The following HECTD4 variants were observed in gnomAD, a reference collection of about 807,000 sequenced individuals.
HECTD4 encodes the protein probable E3 ubiquitin-protein ligase HECTD4.
A neutral mutation model predicts 471.5 loss-of-function variants in HECTD4; 114 were observed. That is an observed-to-expected ratio of 0.24 (90% confidence interval 0.21 to 0.28). HECTD4 has a LOEUF of 0.28. Ranked by LOEUF, HECTD4 falls within the 10% of genes least tolerant of loss-of-function variation. The probability of loss-of-function intolerance (pLI) is 1.00; values close to 1 mark genes in which losing one functional copy is unlikely to be tolerated. For missense variants in HECTD4, 3,866 were observed against 5,651.5 expected (o/e 0.68, Z 10.13); for synonymous variants, 2,012 against 2,256.0 (o/e 0.89, Z 3.07).
rs535285061 is a variant in HECTD4 at position 112,232,946 on chromosome 12, A to G, written c.5997+58T>C. 4.1e-4 allele frequency: 568 copies of G among 1,402,196 alleles called. 6 individuals carry two copies. The South Asian group carries it at 6.7e-3, about 17-fold the overall frequency. 86.9% of individuals were successfully genotyped at this position (1,402,196 alleles called of 1,614,324 possible). A position where few individuals can be genotyped will look rare whatever the true frequency, so the allele number is the denominator to read the frequency against. ...TTTTCTTAATTTGTTCTGAAAATCT[A>G]AAGCATGACAAATACTCTACAATTT... On this transcript the variant is annotated intron_variant, in intron 38 of 75. Coordinates refer to ENST00000682272, the MANE Select transcript of HECTD4 (RefSeq NM_001388303.1).
intron 1 of HECTD4, among the ~76,000 whole-genome samples, chr12:112,362,333 A>T (rs1348406183): frequency 6.6e-6 from 1 of 152,170 alleles, no homozygotes; most frequent in Admixed American, 6.5e-5. Context: ...GTTTCTAAGT[A>T]CTTCATACTT....
rs2036903481 is a variant in HECTD4, at chr12:112,381,933, CG to C, written c.177+18del. The C allele has an allele frequency of 2.0e-5, 24 of 1,221,416 alleles. No individual in the cohort carries two copies. The South Asian group carries it at 4.1e-4, about 21-fold the overall frequency. 75.7% of individuals were successfully genotyped at this position (1,221,416 alleles called of 1,614,324 possible). A position where few individuals can be genotyped will look rare whatever the true frequency, so the allele number is the denominator to read the frequency against. ...AGTGGGTCAGTCCGATGGCGGGGGC[CG>C]GGGGCCGCCTCGCTCACCTCCAGGT... On this transcript the variant is annotated intron_variant, in intron 1 of 75. Coordinates refer to ENST00000682272, the MANE Select transcript of HECTD4 (RefSeq NM_001388303.1). The surrounding 1 kb of genome is among the most constrained non-coding windows in gnomAD (Gnocchi z 4.1).
At chr12:112,192,923 A>G in intron 58 of HECTD4, 138 bp downstream of exon 58, 10 of 1,261,704 alleles carry the variant, frequency 7.9e-6, no homozygotes, top group Non-Finnish European at 1.1e-5. Context: ...AATTCCCCAA[A>G]CATAGAAATA....
At chr12:112,268,273 G>A (rs1017901718) in intron 13 of HECTD4, among the ~76,000 whole-genome samples, 3 of 152,124 alleles carry the variant, frequency 2.0e-5, no homozygotes, top group African/African-American at 7.2e-5. Context: ...AGTTTCCTCA[G>A]AGCATCAGAT....
chr12:112,179,089 A>G lies in HECTD4; in HGVS notation c.11212-7T>C. The G allele has an allele frequency of 6.2e-7, 1 of 1,613,930 alleles. No individual in the cohort carries two copies. The highest frequency in any genetic ancestry group is 8.5e-7 in the Non-Finnish European group (1 of 1,179,872). ...CGCCATACTTCCTCAGGATCTGTGG[A>G]GCACAGAGGCAGCGGGGAGGCTCTC... is the stretch of plus-strand genomic sequence containing the variant. On this transcript the variant is annotated splice_polypyrimidine_tract_variant and splice_region_variant and intron_variant, in intron 63 of 75. Coordinates refer to ENST00000682272, the MANE Select transcript of HECTD4 (RefSeq NM_001388303.1). The surrounding 1 kb of genome is among the most constrained non-coding windows in gnomAD (Gnocchi z 4.3).
chr12:112,235,654 G>A lies in HECTD4; in HGVS notation c.5575C>T (p.Leu1859=), dbSNP rs778821020. ...TTTCCACAGTCTTCTACGCTCATCA[G>A]GGGCAGCGCCGCCCGGCACAGCTGG... The part of the protein sequence containing the change: ...ILQLCRAALP[L]MSVEDCGNVE... The change falls in exon 36 of 76, where the codon CTG becomes TTG. Residue 1859 remains leucine, a synonymous_variant. Transcript: ENST00000682272. This position sits in a 1 kb window ranked among gnomAD's most constrained non-coding sequence, Gnocchi z 5.0. 6.2e-7 allele frequency: 1 copy of A among 1,614,024 alleles called. No individual in the cohort carries two copies. Among genetic ancestry groups the A allele is most frequent in the Middle Eastern group, 1.6e-4 (1 of 6,062 alleles).
At chr12:112,269,407 C>T (rs767932142) in intron 13 of HECTD4, among the ~76,000 whole-genome samples, 1 of 152,152 alleles carries the variant, frequency 6.6e-6, no homozygotes, top group African/African-American at 2.4e-5. Flanking sequence ...CCACACTCTG[C>T]AAAATGAGAT....
At chr12:112,196,767 A>G (rs1233153198) in intron 55 of HECTD4, among the ~76,000 whole-genome samples, 1 of 151,474 alleles carries the variant, frequency 6.6e-6, no homozygotes, top group Non-Finnish European at 1.5e-5. Context: ...ATTTTTTCTT[A>G]TTTTTGTAGA....
rs1480402545 is a variant in HECTD4, at chr12:112,193,457, T to G, written c.8955+12A>C. 1 of 1,599,604 alleles carries G rather than the reference T, an allele frequency of 6.3e-7. No homozygotes were observed. The highest frequency in any genetic ancestry group is 8.5e-7 in the Non-Finnish European group (1 of 1,172,640). Reference sequence around the variant, plus strand: ...TAACCACACTGCAGGAACATGAGCTTTAGACTTCTACCTGCAGGAAAGAGC... The same window carrying G: ...TAACCACACTGCAGGAACATGAGCTGTAGACTTCTACCTGCAGGAAAGAGC... On this transcript the variant is annotated intron_variant, in intron 57 of 75. Coordinates refer to ENST00000682272, the MANE Select transcript of HECTD4 (RefSeq NM_001388303.1). The surrounding 1 kb of genome is among the most constrained non-coding windows in gnomAD (Gnocchi z 5.2).
intron 65 of HECTD4, 44 bp downstream of exon 65, chr12:112,176,551 TG>T: frequency 7.3e-7 from 1 of 1,361,170 alleles, no homozygotes; most frequent in Admixed American, 1.7e-5. Context: ...GTCTCCAGGA[TG>T]GAAGTAGGTC....
Position 112,323,953 on chromosome 12 carries a change from TCTTTCTTTCTTTCTTCCTTCCTTC to T in HECTD4, c.178-4235_178-4212del, listed in dbSNP as rs1298187772. 1.6e-3 allele frequency among the ~76,000 whole-genome samples: 62 copies of T among 39,424 alleles called. 3 individuals are homozygous for T. Among genetic ancestry groups the T allele is most frequent in the South Asian group, 5.9e-3 (4 of 678 alleles). The allele number at this position is 39,424 out of a possible 152,430, so 25.9% of individuals were successfully genotyped here. Reference sequence around the variant, plus strand: ...GGTATTTTTTACTGAGGTGCTTCTTTCTTTCTTTCTTTCTTCCTTCCTTCCTTCCTTCCTTCCTTCCTTCCTTCC... The same window carrying T: ...GGTATTTTTTACTGAGGTGCTTCTTTCTTCCTTCCTTCCTTCCTTCCTTCC... On this transcript the variant is annotated intron_variant, in intron 1 of 75. Coordinates refer to ENST00000682272, the MANE Select transcript of HECTD4 (RefSeq NM_001388303.1).
rs1461588647 is a variant in HECTD4, at chr12:112,173,552, G to A, written c.11595-691C>T. Among the ~76,000 whole-genome samples the A allele has an allele frequency of 1.3e-5, 2 of 151,672 alleles. No homozygotes were observed. The highest frequency in any genetic ancestry group is 4.8e-5 in the African/African-American group (2 of 41,246). ...CTACAGGCGCCTGCCACCACACCTG[G>A]CTAATTTTTTTTTTTGTATTTTTAG... On this transcript the variant is annotated intron_variant, in intron 66 of 75. Coordinates refer to ENST00000682272, the MANE Select transcript of HECTD4 (RefSeq NM_001388303.1). The surrounding 1 kb of genome is among the most constrained non-coding windows in gnomAD (Gnocchi z 4.3).
rs943969380 is a variant in HECTD4 at position 112,303,546 on chromosome 12, G to A, written c.1335+2518C>T. 2.6e-5 allele frequency among the ~76,000 whole-genome samples: 4 copies of A among 152,230 alleles called. No individual in the cohort carries two copies. The East Asian group carries it at 7.7e-4, about 29-fold the overall frequency. On this transcript the variant is annotated intron_variant, in intron 7 of 75. Transcript: ENST00000682272. ...AACAAAGGAAATCAATATGCTAGGC[G>A]GAATCAGAAAAGAAAGAGGGAGGCC...
At chr12:112,200,156 T>A (rs183609828) in intron 55 of HECTD4, among the ~76,000 whole-genome samples, 1 of 118,400 alleles carries the variant, frequency 8.4e-6, no homozygotes, top group Non-Finnish European at 1.6e-5. Flanking sequence ...AGATCCCCCA[T>A]TTTTTTTTTT....
intron 1 of HECTD4, among the ~76,000 whole-genome samples, chr12:112,379,908 A>T (rs571046997): frequency 6.6e-6 from 1 of 151,986 alleles, no homozygotes; most frequent in Non-Finnish European, 1.5e-5. Flanking sequence ...GAGAAATCAG[A>T]CCATAAATTT....
rs369910413 is a variant in HECTD4, at chr12:112,231,641, G to A, written c.6072C>T (p.Gly2024=). The change falls in exon 39 of 76, where the codon GGC becomes GGT. Residue 2024 remains glycine, a synonymous_variant. Transcript: ENST00000682272. ...LRKATKWAQS[G]LIVSIGPPVE... The stretch of plus-strand genomic sequence containing the variant: ...CAGGTGGCCCAATGCTGACGATGAG[G>A]CCTGACTGTGCCCACTTGGTGGCTT... 2.5e-5 allele frequency: 41 copies of A among 1,613,710 alleles called. No homozygotes were observed. The highest frequency in any genetic ancestry group is 3.4e-5 in the Non-Finnish European group (40 of 1,179,876).
chr12:112,240,133 A>G (rs2033604944), intron 32 of HECTD4, 106 bp from the exon 33 acceptor site: 1 of 1,131,376 alleles, frequency 8.8e-7, no homozygotes, highest in Non-Finnish European at 1.3e-6. Flanking sequence ...TGAATCCAGA[A>G]CTGAAGGGAT....
intron 13 of HECTD4, among the ~76,000 whole-genome samples, chr12:112,268,145 T>C (rs953079313): frequency 6.6e-6 from 1 of 152,040 alleles, no homozygotes; most frequent in East Asian, 1.9e-4. Flanking sequence ...TTAATTGAGG[T>C]TTAACATTTA....
At position 112,173,112 on chromosome 12, in the gene HECTD4, T is replaced by C. The variant is rs1162405859; in HGVS notation, c.11595-251A>G. On this transcript the variant is annotated intron_variant, in intron 66 of 75. Transcript: ENST00000682272. This position sits in a 1 kb window ranked among gnomAD's most constrained non-coding sequence, Gnocchi z 4.3. The stretch of plus-strand genomic sequence containing the variant: ...GGAGGTGGCACCATGCACCCACCCA[T>C]GCCTCACTCCTGTGTGTCGGCAGCA... Among the ~76,000 whole-genome samples the C allele has an allele frequency of 6.6e-6, 1 of 152,178 alleles. No individual in the cohort carries two copies. Among genetic ancestry groups the C allele is most frequent in the African/African-American group, 2.4e-5 (1 of 41,442 alleles).
Sources: allele counts gnomAD v4.1 joint callset (sites outside exome capture counted in the v4.1 genomes callset), GRCh38; gene constraint gnomAD v4.1.1; non-coding constraint Gnocchi (gnomAD v3.1); transcripts MANE v1.5; gene names NCBI Gene and HGNC (gene_info 2026-07-23, HGNC 2026-07-21).